The following BAP1 variants were observed in gnomAD, a reference collection of about 807,000 sequenced individuals.
The protein encoded by BAP1 is ubiquitin carboxyl-terminal hydrolase BAP1.
A neutral mutation model predicts 77.2 loss-of-function variants in BAP1; 16 were observed. The observed-to-expected ratio is 0.21, with a 90% CI of 0.14 to 0.31. The LOEUF is 0.31. Among genes scored for constraint, BAP1 ranks in the 10% least tolerant of loss-of-function variants. The pLI, the probability that BAP1 is intolerant of heterozygous loss-of-function variation, is 1.00. For synonymous variants in BAP1, 362 were observed against 385.2 expected, an observed-to-expected ratio of 0.94 and a Z score of 0.71; for missense variants, 699 against 967.3, an observed-to-expected ratio of 0.72 and a Z score of 3.68.
intron 11 of BAP1, among the ~76,000 whole-genome samples, chr3:52,404,873 A>G (rs1705099705): frequency 6.6e-6 from 1 of 152,208 alleles, no homozygotes; most frequent in Non-Finnish European, 1.5e-5. Flanking sequence ...TGACCTAAAC[A>G]TTTAATCCCA....
rs1705043802 is a variant in BAP1, at chr3:52,403,591, C to T, written c.1554G>A (p.Arg518=). The change falls in exon 13 of 17, where the codon CGG becomes CGA. Residue 518 remains arginine, a synonymous_variant. Transcript: ENST00000460680. The surrounding 1 kb of genome is among the most constrained non-coding windows in gnomAD (Gnocchi z 4.0). The part of the protein sequence containing the change: ...RSPIRSANPT[R]PSSPVTSHIS... Reference sequence around the variant, plus strand: ...TGTGGGAGGTGACAGGGCTGGAGGGCCGCGTCGGGTTGGCTGAGCGGATAG... The same window carrying T: ...TGTGGGAGGTGACAGGGCTGGAGGGTCGCGTCGGGTTGGCTGAGCGGATAG... 6.2e-7 allele frequency: 1 copy of T among 1,614,128 alleles called. No individual in the cohort carries two copies.
intron 12 of BAP1, 64 bp downstream of exon 12, chr3:52,404,389 C>T (rs1013126676): frequency 1.9e-5 from 31 of 1,612,182 alleles, no homozygotes; most frequent in Non-Finnish European, 2.5e-5. Flanking sequence ...CAGACACAGA[C>T]TGAGATATTC....
At position 52,405,070 on chromosome 3, in the gene BAP1, G is replaced by A. The variant is rs373554042; in HGVS notation, c.1116+40C>T. On this transcript the variant is annotated intron_variant, in intron 11 of 16. Transcript: ENST00000460680. ...AATTGCCTGTTGCAGCCTCTCAAGA[G>A]AATCAAGTAGAGAATCCTGCAAGGG... The A allele has an allele frequency of 1.6e-4, 257 of 1,611,446 alleles. 1 individual carries two copies. Among genetic ancestry groups the A allele is most frequent in the Non-Finnish European group, 2.0e-4 (241 of 1,177,860 alleles).
chr3:52,408,884 G>A (rs141695404), intron 3 of BAP1, among the ~76,000 whole-genome samples: 320 of 152,310 alleles, frequency 2.1e-3, no homozygotes, highest in African/African-American at 7.4e-3. Flanking sequence ...CTGGGTAAGA[G>A]AAGAAAAGCT....
intron 11 of BAP1, 45 bp downstream of exon 11, chr3:52,405,065 C>T: frequency 6.2e-7 from 1 of 1,611,256 alleles, no homozygotes; most frequent in Non-Finnish European, 8.5e-7. Context: ...TGCAGCCTCT[C>T]AAGAGAATCA....
Position 52,402,559 on chromosome 3 carries a change from C to T in BAP1, c.2056+43G>A. ...GGGAGGGGAGCTGAAGGACACGGCC[C>T]TCAGCAGGGCATTCCAGTTAAGACA... On this transcript the variant is annotated intron_variant, in intron 16 of 16. Transcript: ENST00000460680. The surrounding 1 kb of genome is among the most constrained non-coding windows in gnomAD (Gnocchi z 5.3). 1.2e-6 allele frequency: 2 copies of T among 1,612,666 alleles called. No homozygotes were observed. Among genetic ancestry groups the T allele is most frequent in the South Asian group, 1.1e-5 (1 of 91,030 alleles).
Position 52,405,801 on chromosome 3 carries a change from T to C in BAP1, c.895A>G (p.Asn299Asp), listed in dbSNP as rs1411545493. 7 of 1,613,712 alleles carry C rather than the reference T, an allele frequency of 4.3e-6. No individual in the cohort carries two copies. In the African/African-American group the frequency reaches 5.3e-5, roughly 12 times the overall value. Residue 299 changes from asparagine to aspartate, a missense_variant, in exon 10 of 17, where the codon AAC becomes GAC. By Grantham distance (23) the Asn-to-Asp change is conservative. Transcript: ENST00000460680. ...SNKSPLVLEA[N>D]RAPAASEGNH... is the part of the protein sequence containing the mutation. Reference sequence around the variant, plus strand: ...CCCTCAGAGGCTGCAGGGGCCCTGTTTGCTTCCAGCACCAGCGGGGACTTG... The same window carrying C: ...CCCTCAGAGGCTGCAGGGGCCCTGTCTGCTTCCAGCACCAGCGGGGACTTG...
rs1704970779 is a variant in BAP1, at chr3:52,401,989, TCTGCTGCCCAGGCAGAAGGGCCAGGTC to T, written c.*272_*298del. ...TGTCTCTGATAGGTAAAATATATATTCTGCTGCCCAGGCAGAAGGGCCAGGTCCTGCTGCTCCACAGCCGGCTGTGGA... is the reference window on the plus strand; with the variant it reads ...TGTCTCTGATAGGTAAAATATATATTCTGCTGCTCCACAGCCGGCTGTGGA... On this transcript the variant is annotated 3_prime_UTR_variant, in exon 17 of 17. Transcript: ENST00000460680. 1.8e-6 allele frequency: 1 copy of T among 542,586 alleles called. No homozygotes were observed. The highest frequency in any genetic ancestry group is 3.3e-6 in the Non-Finnish European group (1 of 302,544). The allele number at this position is 542,586 out of a possible 1,614,324, so 33.6% of individuals were successfully genotyped here. A position where few individuals can be genotyped will look rare whatever the true frequency, so the allele number is the denominator to read the frequency against.
chr3:52,402,536 G>T lies in BAP1; in HGVS notation c.2056+66C>A. 6.2e-7 allele frequency: 1 copy of T among 1,612,424 alleles called. No individual in the cohort carries two copies. The highest frequency in any genetic ancestry group is 1.1e-5 in the South Asian group (1 of 90,970). On this transcript the variant is annotated intron_variant, in intron 16 of 16. Transcript: ENST00000460680. This position sits in a 1 kb window ranked among gnomAD's most constrained non-coding sequence, Gnocchi z 5.3. ...GCTCAAGCCTCAGGAGAGGCCAGGG[G>T]AGGGGAGCTGAAGGACACGGCCCTC...
rs944773481 is a variant in BAP1 at position 52,409,964 on chromosome 3, G to A, written c.-86C>T. ...ACCGGGAGCCCCCACCGCCCCCGGG[G>A]CCCCTCAGTCCCACACACAGACAAC... On this transcript the variant is annotated 5_prime_UTR_variant, in exon 1 of 17. Coordinates refer to ENST00000460680, the MANE Select transcript of BAP1 (RefSeq NM_004656.4). The A allele has an allele frequency of 9.8e-6, 15 of 1,538,084 alleles. No homozygotes were observed. Among genetic ancestry groups the A allele is most frequent in the African/African-American group, 1.4e-5 (1 of 73,320 alleles).
rs1705000474 is a variant in BAP1 at position 52,402,663 on chromosome 3, C to A, written c.1995G>T (p.Gln665His). The change falls in exon 16 of 17, where the codon CAG (glutamine) becomes CAT (histidine). Residue 665 changes from glutamine (Q) to histidine (H), a missense_variant. Gln to His is a conservative substitution (Grantham distance 24). Transcript: ENST00000460680. This position sits in a 1 kb window ranked among gnomAD's most constrained non-coding sequence, Gnocchi z 5.3. ...ACTCATCGTAGTTGTGGGTCCTTCT[C>A]TGGTCATCAATCTGTAGGAGAGAAG... The part of the protein sequence containing the change: ...EKRKKFKIDD[Q>H]RRTHNYDEFI... 1 of 1,614,102 alleles carries A rather than the reference C, an allele frequency of 6.2e-7. No homozygotes were observed.
At position 52,404,639 on chromosome 3, in the gene BAP1, G is replaced by A. The variant is rs893517202; in HGVS notation, c.1117-53C>T. 7 of 1,583,670 alleles carry A rather than the reference G, an allele frequency of 4.4e-6. No individual in the cohort carries two copies. In the Admixed American group the frequency reaches 1.1e-4, roughly 25 times the overall value. On this transcript the variant is annotated intron_variant, in intron 11 of 16. Transcript: ENST00000460680. ...ACAAGTGCTGCTCGGCCCAGGCTGA[G>A]CCTAGACACTCACAGCCAGAGAGAA... is the stretch of plus-strand genomic sequence containing the variant.
In BAP1 at chr3:52,402,979, G is replaced by A; in HGVS notation, c.1891-108C>T. On this transcript the variant is annotated intron_variant, in intron 14 of 16. Transcript: ENST00000460680. The surrounding 1 kb of genome is among the most constrained non-coding windows in gnomAD (Gnocchi z 5.3). ...TGAGCAGCGAGTCCATGCCTATCAA[G>A]GCCCCTGCCACCACCCAACCCAGAA... 6.2e-7 allele frequency: 1 copy of A among 1,600,972 alleles called. No individual in the cohort carries two copies. Among genetic ancestry groups the A allele is most frequent in the Non-Finnish European group, 8.5e-7 (1 of 1,178,020 alleles).
In BAP1 at chr3:52,406,146, T is replaced by C. The variant is rs1705148805; in HGVS notation, c.783+107A>G. On this transcript the variant is annotated intron_variant, in intron 9 of 16. Coordinates refer to ENST00000460680, the MANE Select transcript of BAP1 (RefSeq NM_004656.4). The surrounding 1 kb of genome is among the most constrained non-coding windows in gnomAD (Gnocchi z 4.6). ...AAGATGTGGTTAGCTGAAGCCCAGATCTACAAGAGAGTATGTTCACGAATC... is the reference window on the plus strand; with the variant it reads ...AAGATGTGGTTAGCTGAAGCCCAGACCTACAAGAGAGTATGTTCACGAATC... 1 of 1,590,102 alleles carries C rather than the reference T, an allele frequency of 6.3e-7. No homozygotes were observed.
At chr3:52,405,711 C>A (rs1705133702) in intron 10 of BAP1, 54 bp downstream of exon 10, 1 of 1,608,348 alleles carries the variant, frequency 6.2e-7, no homozygotes, top group South Asian at 1.1e-5. Flanking sequence ...CCTCCCATGT[C>A]AGACATTAGC....
intron 5 of BAP1, 80 bp from the exon 6 acceptor site, chr3:52,407,540 G>T: frequency 6.3e-7 from 1 of 1,580,844 alleles, no homozygotes. Context: ...GCTTCAGAGA[G>T]CAGCCTGGAG....
rs1165855820 is a variant in BAP1, at chr3:52,403,784, T to C, written c.1361A>G (p.Glu454Gly). The change falls in exon 13 of 17, where the codon GAG (glutamate) becomes GGG (glycine). Residue 454 changes from glutamate (E) to glycine (G), a missense_variant. Physicochemically the swap from Glu to Gly is moderately conservative, Grantham distance 98. Coordinates refer to ENST00000460680, the MANE Select transcript of BAP1 (RefSeq NM_004656.4). The surrounding 1 kb of genome is among the most constrained non-coding windows in gnomAD (Gnocchi z 4.0). The part of the protein sequence containing the change: ...TINVLAEKLK[E>G]SQKDLSIPLS... ...AGGAATTGAGAGGTCCTTCTGGGACTCTTTGAGCTTCTCAGCCAAGACGTT... is the reference window on the plus strand; with the variant it reads ...AGGAATTGAGAGGTCCTTCTGGGACCCTTTGAGCTTCTCAGCCAAGACGTT... 1 of 1,614,128 alleles carries C rather than the reference T, an allele frequency of 6.2e-7. No individual in the cohort carries two copies. The highest frequency in any genetic ancestry group is 8.5e-7 in the Non-Finnish European group (1 of 1,180,030).
intron 11 of BAP1, 126 bp downstream of exon 11, chr3:52,404,984 C>T: frequency 1.5e-6 from 2 of 1,328,954 alleles, no homozygotes; most frequent in Non-Finnish European, 2.1e-6. Flanking sequence ...ACCTAGCAAC[C>T]CAGGCCCAGG....
Position 52,403,282 on chromosome 3 carries a change from G to T in BAP1, c.1746C>A (p.Ser582=), listed in dbSNP as rs1553644745. 6.2e-7 allele frequency: 1 copy of T among 1,613,960 alleles called. No individual in the cohort carries two copies. Among genetic ancestry groups the T allele is most frequent in the Non-Finnish European group, 8.5e-7 (1 of 1,180,044 alleles). Residue 582 remains serine, a synonymous_variant, in exon 14 of 17, where the codon TCC becomes TCA. Coordinates refer to ENST00000460680, the MANE Select transcript of BAP1 (RefSeq NM_004656.4). The surrounding 1 kb of genome is among the most constrained non-coding windows in gnomAD (Gnocchi z 4.0). ...PLALTEGGKG[S]SPSIRPIQGS... The stretch of plus-strand genomic sequence containing the variant: ...CTTGGATTGGTCTGATGGAGGGCGA[G>T]GAACCCTTCCCACCCTCTGGGAAGA...
Sources: allele counts gnomAD v4.1 joint callset (sites outside exome capture counted in the v4.1 genomes callset), GRCh38; gene constraint gnomAD v4.1.1; non-coding constraint Gnocchi (gnomAD v3.1); transcripts MANE v1.5; gene names NCBI Gene and HGNC (gene_info 2026-07-23, HGNC 2026-07-21).